SUSD4: variants seen among roughly 807,000 people sequenced by gnomAD.
The protein encoded by SUSD4 is sushi domain-containing protein 4.
In SUSD4, 41 loss-of-function variants were observed where a neutral mutation model predicts 50.5. That is an observed-to-expected ratio of 0.81 (90% CI 0.63 to 1.05). The LOEUF is 1.05. Among genes scored for constraint, SUSD4 ranks in the 50% least tolerant of loss-of-function variants. The pLI, the probability that SUSD4 is intolerant of heterozygous loss-of-function variation, is 0.00. For synonymous variants in SUSD4, 257 were observed against 257.3 expected (o/e 1.00, Z 0.01); for missense variants, 580 against 634.7 (o/e 0.91, Z 0.93).
chr1:223,365,044 G>A (rs1669239284), upstream of SUSD4, among the ~76,000 whole-genome samples: 1 of 152,092 alleles, frequency 6.6e-6, no homozygotes, highest in African/African-American at 2.4e-5. Flanking sequence ...AGGCGCTCCC[G>A]GGGGCGGGGA....
chr1:223,246,176 A>G (rs1248334559), intron 5 of SUSD4, among the ~76,000 whole-genome samples: 2 of 152,146 alleles, frequency 1.3e-5, no homozygotes, highest in African/African-American at 4.8e-5. Flanking sequence ...GACGAAAAAG[A>G]TGGCAGAGGA....
chr1:223,316,387 C>A (rs922950148), intron 2 of SUSD4, among the ~76,000 whole-genome samples: 1 of 152,070 alleles, frequency 6.6e-6, no homozygotes, highest in Non-Finnish European at 1.5e-5. Flanking sequence ...ACAGGGTTAT[C>A]GCTAGGAATG....
In SUSD4 at chr1:223,292,653, T is replaced by C; in HGVS notation, c.149-2A>G. The C allele has an allele frequency of 1.2e-6, 2 of 1,613,482 alleles. No homozygotes were observed. The highest frequency in any genetic ancestry group is 1.7e-6 in the Non-Finnish European group (2 of 1,179,682). Reference sequence around the variant, plus strand: ...CACACACTTGAAGGTCATCGAACCCTACATCAACAAAGAGAGGAAAAGGTG... The same window carrying C: ...CACACACTTGAAGGTCATCGAACCCCACATCAACAAAGAGAGGAAAAGGTG... On this transcript the variant is annotated splice_acceptor_variant, in intron 2 of 8. Coordinates refer to ENST00000366878, the MANE Select transcript of SUSD4 (RefSeq NM_017982.4). LOFTEE classifies it high-confidence loss of function.
chr1:223,345,169 C>A (rs1334153987), intron 2 of SUSD4, among the ~76,000 whole-genome samples: 5 of 152,180 alleles, frequency 3.3e-5, no homozygotes, highest in Non-Finnish European at 7.4e-5. Flanking sequence ...AGTGAAAATG[C>A]TGTCCCCAAA....
chr1:223,285,821 C>T (rs1664098572), intron 3 of SUSD4, among the ~76,000 whole-genome samples: 1 of 152,142 alleles, frequency 6.6e-6, no homozygotes, highest in Non-Finnish European at 1.5e-5. Flanking sequence ...TGGGGAACCA[C>T]ACACACCGGG....
chr1:223,360,185 A>C (rs1264719360), intron 2 of SUSD4: 1 of 470,758 alleles, frequency 2.1e-6, no homozygotes. Context: ...TAATACAGAA[A>C]TGTGCTAAAG....
At chr1:223,289,191 C>T (rs973185129) in intron 3 of SUSD4, 2 of 985,428 alleles carry the variant, frequency 2.0e-6, no homozygotes, top group Non-Finnish European at 2.4e-6. Flanking sequence ...CTCCTCTCCA[C>T]CATATAGGTC....
chr1:223,316,166 G>A (rs550491701), intron 2 of SUSD4, among the ~76,000 whole-genome samples: 104 of 152,154 alleles, frequency 6.8e-4, no homozygotes, highest in African/African-American at 2.5e-3. Context: ...AAGAGAGGCT[G>A]CAACCCAAAA....
intron 3 of SUSD4, among the ~76,000 whole-genome samples, chr1:223,288,935 GAGTA>G (rs563057970): frequency 2.6e-5 from 4 of 152,300 alleles, no homozygotes; most frequent in Non-Finnish European, 4.4e-5. Context: ...CGTATGTGTT[GAGTA>G]AGTGTTTGTC....
intron 2 of SUSD4, among the ~76,000 whole-genome samples, chr1:223,344,711 A>G (rs1156856884): frequency 6.6e-6 from 1 of 152,186 alleles, no homozygotes; most frequent in African/African-American, 2.4e-5. Context: ...CGCAGCCCTC[A>G]TTTAATCGGG....
chr1:223,260,787 C>T (rs574837263), intron 5 of SUSD4, among the ~76,000 whole-genome samples: 2 of 152,308 alleles, frequency 1.3e-5, no homozygotes, highest in South Asian at 4.1e-4. Flanking sequence ...ACATGCGACC[C>T]ACATCTTCGT....
At chr1:223,225,625 C>A (rs747456530) in intron 7 of SUSD4, among the ~76,000 whole-genome samples, 11 of 152,182 alleles carry the variant, frequency 7.2e-5, no homozygotes, top group Non-Finnish European at 1.3e-4. Flanking sequence ...CCTCTCCGGC[C>A]ACTTCACTGT....
intron 2 of SUSD4, among the ~76,000 whole-genome samples, chr1:223,316,692 A>G (rs918031075): frequency 6.6e-6 from 1 of 152,176 alleles, no homozygotes; most frequent in African/African-American, 2.4e-5. Flanking sequence ...GCTGGGGCTC[A>G]CATTCACACA....
At chr1:223,278,561 G>T (rs952279445) in intron 3 of SUSD4, among the ~76,000 whole-genome samples, 3 of 152,210 alleles carry the variant, frequency 2.0e-5, no homozygotes, top group Non-Finnish European at 4.4e-5. Context: ...AAACAAAGCA[G>T]CCTGGAAGCT....
intron 5 of SUSD4, among the ~76,000 whole-genome samples, chr1:223,238,140 T>C (rs896056418): frequency 5.9e-5 from 9 of 152,040 alleles, no homozygotes; most frequent in African/African-American, 2.2e-4. Context: ...CATACAGTTG[T>C]TCAGAGCATT....
At chr1:223,274,676 T>C (rs1663141416) in intron 3 of SUSD4, among the ~76,000 whole-genome samples, 1 of 152,262 alleles carries the variant, frequency 6.6e-6, no homozygotes, top group Non-Finnish European at 1.5e-5. Context: ...CGTATTTCAT[T>C]ATTTAAAACA....
chr1:223,222,247 TTAACA>T, intron 8 of SUSD4, 27 bp from the exon 9 acceptor site: 1 of 1,610,752 alleles, frequency 6.2e-7, no homozygotes, highest in Non-Finnish European at 8.5e-7. Context: ...GGTTATTAGC[TTAACA>T]TAACCAGAAA....
chr1:223,310,507 AAACAAC>A, intron 2 of SUSD4, among the ~76,000 whole-genome samples: 1 of 152,366 alleles, frequency 6.6e-6, no homozygotes, highest in Non-Finnish European at 1.5e-5. Context: ...TATGTTAACT[AAACAAC>A]AACAATAAAA....
intron 3 of SUSD4, among the ~76,000 whole-genome samples, chr1:223,289,716 T>C (rs1159793723): frequency 1.3e-5 from 2 of 152,236 alleles, no homozygotes; most frequent in Admixed American, 6.5e-5. Context: ...TCAGTTTCTC[T>C]ATAGGTCAAA....
Sources: allele counts gnomAD v4.1 joint callset (sites outside exome capture counted in the v4.1 genomes callset), GRCh38; gene constraint gnomAD v4.1.1; transcripts MANE v1.5; gene names NCBI Gene and HGNC (gene_info 2026-07-23, HGNC 2026-07-21).